CFAP46: variants seen among roughly 807,000 people sequenced by gnomAD.
The protein encoded by CFAP46 is cilia- and flagella-associated protein 46.
CFAP46 carries 245 observed loss-of-function variants against 325.7 expected under a neutral mutation model. The observed-to-expected ratio is 0.75, with a 90% CI of 0.68 to 0.84. CFAP46 has a LOEUF of 0.84. Among genes scored for constraint, CFAP46 ranks in the 40% least tolerant of loss-of-function variants. The pLI is 0.00. For missense variants in CFAP46, 3,346 were observed against 3,543.0 expected (o/e 0.94, Z 1.41); for synonymous variants, 1,523 against 1,495.9 (o/e 1.02, Z -0.42).
At chr10:132,888,407 ACC>A (rs1411133800) in intron 25 of CFAP46, among the ~76,000 whole-genome samples, 8 of 41,026 alleles carry the variant, frequency 1.9e-4, no homozygotes, top group African/African-American at 4.8e-4. Flanking sequence ...TGCCGCCTGC[ACC>A]CCTGCCGCCT....
At chr10:132,833,136 A>G (rs1848179057) in intron 50 of CFAP46, among the ~76,000 whole-genome samples, 4 of 152,068 alleles carry the variant, frequency 2.6e-5, no homozygotes, top group Admixed American at 2.6e-4. Context: ...CACCATGCCC[A>G]GCTAATTTTA....
In CFAP46 at chr10:132,886,880, C is replaced by T. The variant is rs1290196295; in HGVS notation, c.3305-921G>A. Among the ~76,000 whole-genome samples the T allele has an allele frequency of 1.3e-5, 2 of 152,072 alleles. No individual in the cohort carries two copies. The highest frequency in any genetic ancestry group is 6.5e-5 in the Admixed American group (1 of 15,280). ...TGGCGACTAGAATGCTGACGCGTCC[C>T]CTCCCCGTCATGGGCGCTGCCCAGC... On this transcript the variant is annotated intron_variant, in intron 25 of 57. Coordinates refer to ENST00000368586, the MANE Select transcript of CFAP46 (RefSeq NM_001200049.3). This position sits in a 1 kb window ranked among gnomAD's most constrained non-coding sequence, Gnocchi z 5.8.
intron 50 of CFAP46, among the ~76,000 whole-genome samples, chr10:132,822,158 T>G (rs1488573684): frequency 2.1e-5 from 3 of 141,812 alleles, no homozygotes; most frequent in Non-Finnish European, 4.5e-5. Context: ...ATGTGTGCTG[T>G]GTGCTGTGTG....
chr10:132,846,377 G>T, intron 43 of CFAP46, 150 bp from the exon 44 acceptor site: 2 of 972,770 alleles, frequency 2.1e-6, no homozygotes, highest in Non-Finnish European at 3.0e-6. Context: ...GCTCCTCCTG[G>T]CACCTGCAGA....
At chr10:132,823,827 A>G (rs1591036264) in intron 50 of CFAP46, among the ~76,000 whole-genome samples, 2 of 116,884 alleles carry the variant, frequency 1.7e-5, no homozygotes, top group Non-Finnish European at 3.4e-5. Flanking sequence ...GTGAGTGCTG[A>G]TGTGTGCTGT....
chr10:132,834,760 G>T lies in CFAP46; in HGVS notation c.6760C>A (p.Gln2254Lys), dbSNP rs1848210437. ...ACAGGGCGCTCCTTCTCTTCCACCT[G>T]CAGGCCTTCTGGTTCCTACCGCAAT... Reference protein sequence around the residue: ...LNIGSEPEGLQVEEKERPVQR... With the variant: ...LNIGSEPEGLKVEEKERPVQR... Residue 2254 changes from glutamine (Q) to lysine (K), a missense_variant, in exon 48 of 58, where the codon CAG (glutamine) becomes AAG (lysine). Coordinates refer to ENST00000368586, the MANE Select transcript of CFAP46 (RefSeq NM_001200049.3). 6.2e-7 allele frequency: 1 copy of T among 1,612,196 alleles called. No individual in the cohort carries two copies. Among genetic ancestry groups the T allele is most frequent in the South Asian group, 1.1e-5 (1 of 90,968 alleles).
chr10:132,913,966 G>A (rs1310998608), intron 17 of CFAP46, among the ~76,000 whole-genome samples: 1 of 152,144 alleles, frequency 6.6e-6, no homozygotes, highest in Non-Finnish European at 1.5e-5. Flanking sequence ...TGGTTCCCGT[G>A]GCCACGAGTG....
chr10:132,817,378 G>A lies in CFAP46; in HGVS notation c.7118-2464C>T, dbSNP rs560637046. Reference sequence around the variant, plus strand: ...GCGTGCTTCCTGCAAAGGGCATGCGGCTGGCACCTCTTATCTCCTGTGTCT... The same window carrying A: ...GCGTGCTTCCTGCAAAGGGCATGCGACTGGCACCTCTTATCTCCTGTGTCT... On this transcript the variant is annotated intron_variant, in intron 50 of 57. Transcript: ENST00000368586. This position sits in a 1 kb window ranked among gnomAD's most constrained non-coding sequence, Gnocchi z 4.4. Among the ~76,000 whole-genome samples the A allele has an allele frequency of 6.6e-5, 10 of 152,330 alleles. No individual in the cohort carries two copies. In the South Asian group the frequency reaches 2.1e-3, roughly 32 times the overall value.
intron 40 of CFAP46, among the ~76,000 whole-genome samples, 180 bp from the exon 41 acceptor site, chr10:132,850,612 G>A (rs1848522500): frequency 6.6e-6 from 1 of 152,200 alleles, no homozygotes; most frequent in Admixed American, 6.5e-5. Flanking sequence ...ACAGACGTCT[G>A]CTCATAGAAC....
Position 132,939,119 on chromosome 10 carries a change from C to T in CFAP46, c.372-366G>A, listed in dbSNP as rs112577367. Among the ~76,000 whole-genome samples, 1,064 of 152,318 alleles carry T rather than the reference C, an allele frequency of 7.0e-3. 11 individuals carry two copies. The highest frequency in any genetic ancestry group is 0.023 in the African/African-American group (958 of 41,570). On this transcript the variant is annotated intron_variant, in intron 4 of 57. Transcript: ENST00000368586. This position sits in a 1 kb window ranked among gnomAD's most constrained non-coding sequence, Gnocchi z 4.6. ...CACCACTGGGCAAGGCCTCCTCTGA[C>T]TCTCAAGGGATAGACAAGAATGGGC...
intron 22 of CFAP46, among the ~76,000 whole-genome samples, chr10:132,901,409 A>G (rs1365559173): frequency 6.6e-6 from 1 of 152,022 alleles, no homozygotes; most frequent in African/African-American, 2.4e-5. Flanking sequence ...CATATCCTCT[A>G]TTAGATTTTT....
chr10:132,818,896 C>T (rs564627328), intron 50 of CFAP46, among the ~76,000 whole-genome samples: 11 of 150,888 alleles, frequency 7.3e-5, no homozygotes, highest in Admixed American at 1.3e-4. Context: ...CAGGCACACA[C>T]ATCAGAAAAA....
At chr10:132,934,240 G>A (rs1198957527) in intron 8 of CFAP46, among the ~76,000 whole-genome samples, 3 of 152,068 alleles carry the variant, frequency 2.0e-5, no homozygotes, top group African/African-American at 4.8e-5. Flanking sequence ...TCGCTCCAGG[G>A]GCAGGGGACA....
intron 22 of CFAP46, among the ~76,000 whole-genome samples, chr10:132,907,188 G>A (rs1263725242): frequency 6.6e-6 from 1 of 152,258 alleles, no homozygotes; most frequent in African/African-American, 2.4e-5. Flanking sequence ...AGAAAACATC[G>A]TTACAGCCTT....
intron 22 of CFAP46, among the ~76,000 whole-genome samples, chr10:132,908,036 T>G (rs920794157): frequency 2.6e-5 from 4 of 152,240 alleles, no homozygotes; most frequent in Non-Finnish European, 4.4e-5. Flanking sequence ...GTGCCTACAA[T>G]GCACACGCGG....
intron 44 of CFAP46, among the ~76,000 whole-genome samples, chr10:132,844,516 C>G (rs1284701372): frequency 6.6e-6 from 1 of 152,220 alleles, no homozygotes; most frequent in Non-Finnish European, 1.5e-5. Context: ...ATCCCCCAGC[C>G]CGACTGCACT....
At chr10:132,879,063 C>T (rs773786570) in intron 29 of CFAP46, among the ~76,000 whole-genome samples, 9 of 152,132 alleles carry the variant, frequency 5.9e-5, no homozygotes, top group African/African-American at 1.2e-4. Context: ...CTTGGTGTGG[C>T]GAGCCAGGCA....
At chr10:132,930,701 A>T (rs372479048) in intron 8 of CFAP46, among the ~76,000 whole-genome samples, 113 of 79,276 alleles carry the variant, frequency 1.4e-3, no homozygotes, top group Middle Eastern at 0.011. Context: ...CTCCCCACGC[A>T]GAGCCTGGAC....
At chr10:132,924,015 G>A (rs1217283741) in intron 11 of CFAP46, among the ~76,000 whole-genome samples, 14 of 152,110 alleles carry the variant, frequency 9.2e-5, no homozygotes, top group Non-Finnish European at 1.5e-4. Flanking sequence ...CTGAGCCGGC[G>A]GACTCAGAGT....
Sources: allele counts gnomAD v4.1 joint callset (sites outside exome capture counted in the v4.1 genomes callset), GRCh38; gene constraint gnomAD v4.1.1; non-coding constraint Gnocchi (gnomAD v3.1); transcripts MANE v1.5; gene names NCBI Gene and HGNC (gene_info 2026-07-23, HGNC 2026-07-21).